The following ANKRD26 variants were observed in gnomAD, a reference collection of about 807,000 sequenced individuals.
ANKRD26 encodes the protein ankyrin repeat domain 26, also known as ankyrin repeat domain-containing protein 26.
A neutral mutation model predicts 208.7 loss-of-function variants in ANKRD26; 141 were observed. The ratio of observed to expected loss-of-function variants is 0.68; its 90% CI spans 0.59 to 0.78. ANKRD26 has a LOEUF of 0.78. Ranked by LOEUF, ANKRD26 falls within the 30% of genes least tolerant of loss-of-function variation. The pLI, the probability that ANKRD26 is intolerant of heterozygous loss-of-function variation, is 0.00. For synonymous variants in ANKRD26, 636 were observed against 660.4 expected (o/e 0.96, Z 0.57); for missense variants, 1,889 against 1,938.7 (o/e 0.97, Z 0.48).
chr10:27,096,781 A>AAG (rs2056480477), intron 1 of ANKRD26, among the ~76,000 whole-genome samples: 1 of 150,870 alleles, frequency 6.6e-6, no homozygotes, highest in Non-Finnish European at 1.5e-5. Flanking sequence ...AAAAAAAAAA[A>AAG]GAAAAAAAAA....
At position 27,027,070 on chromosome 10, in the gene ANKRD26, G is replaced by A. The variant is rs1011745478; in HGVS notation, c.3972+1782C>T. Among the ~76,000 whole-genome samples the A allele has an allele frequency of 8.5e-5, 13 of 152,256 alleles. No individual in the cohort carries two copies. In the East Asian group the frequency reaches 2.1e-3, roughly 25 times the overall value. ...CAAAGTGCTGGGCATGAGCCACTGC[G>A]CCTGACAGGAACTGTTAAGGTTTTG... On this transcript the variant is annotated intron_variant, in intron 27 of 33. Coordinates refer to ENST00000376087, the MANE Select transcript of ANKRD26 (RefSeq NM_014915.3).
At chr10:26,971,255 C>T (rs113527105), downstream of ANKRD26, among the ~76,000 whole-genome samples, 157 of 152,108 alleles carry the variant, frequency 1.0e-3, 2 homozygotes, top group Non-Finnish European at 4.4e-4. Context: ...TGGTGGTGTG[C>T]ACCTCTCGTC....
At chr10:26,977,621 A>G (rs2052247012) in intron 5 of ANKRD26, among the ~76,000 whole-genome samples, 1 of 152,232 alleles carries the variant, frequency 6.6e-6, no homozygotes, top group Non-Finnish European at 1.5e-5. Flanking sequence ...CTTACAACTC[A>G]GGGATGTAAA....
At chr10:27,059,831 G>A (rs376704573) in intron 15 of ANKRD26, among the ~76,000 whole-genome samples, 3 of 151,830 alleles carry the variant, frequency 2.0e-5, no homozygotes, top group African/African-American at 7.2e-5. Context: ...GGAGGCGGAG[G>A]CTGCAGTGAG....
intron 28 of ANKRD26, among the ~76,000 whole-genome samples, chr10:27,023,916 C>T (rs1026519488): frequency 4.7e-5 from 7 of 148,984 alleles, no homozygotes; most frequent in Non-Finnish European, 1.0e-4. Flanking sequence ...AACATGTATA[C>T]CTCAGGTATA....
At chr10:27,058,292 G>C (rs1314770649) in intron 15 of ANKRD26, among the ~76,000 whole-genome samples, 1 of 151,932 alleles carries the variant, frequency 6.6e-6, no homozygotes, top group Non-Finnish European at 1.5e-5. Flanking sequence ...TCCATTCAAG[G>C]GTACAAGAGG....
At chr10:27,041,797 A>T (rs1166657864) in intron 20 of ANKRD26, among the ~76,000 whole-genome samples, 6 of 152,194 alleles carry the variant, frequency 3.9e-5, no homozygotes, top group Non-Finnish European at 8.8e-5. Flanking sequence ...CAGAAAAAAA[A>T]TGTGAAGAAA....
chr10:26,970,152 T>C (rs1326145422), downstream of ANKRD26, among the ~76,000 whole-genome samples: 1 of 152,098 alleles, frequency 6.6e-6, no homozygotes, highest in Non-Finnish European at 1.5e-5. Context: ...TTTTGTTTAA[T>C]ACTAGATAAT....
chr10:27,059,094 T>C (rs2054953320), intron 15 of ANKRD26, among the ~76,000 whole-genome samples: 1 of 151,832 alleles, frequency 6.6e-6, no homozygotes, highest in Admixed American at 6.6e-5. Flanking sequence ...TTTTGTATTT[T>C]TGGTAAAGAT....
At chr10:27,060,299 T>G in intron 15 of ANKRD26, 46 bp downstream of exon 15, 2 of 1,449,598 alleles carry the variant, frequency 1.4e-6, no homozygotes, top group Admixed American at 3.4e-5. Flanking sequence ...TTTCAAAAAT[T>G]TTAACGTACT....
downstream of ANKRD26, among the ~76,000 whole-genome samples, chr10:26,973,445 A>G (rs1275713099): frequency 6.7e-6 from 1 of 150,310 alleles, no homozygotes; most frequent in Non-Finnish European, 1.5e-5. Context: ...TATTTGCCAT[A>G]TATATCTTTC....
At chr10:26,984,492 CA>C (rs1288508194) in intron 3 of ANKRD26, among the ~76,000 whole-genome samples, 2 of 152,172 alleles carry the variant, frequency 1.3e-5, no homozygotes, top group African/African-American at 2.4e-5. Flanking sequence ...TGGACCCTTC[CA>C]TTGGGGATTA....
chr10:27,061,695 C>T (rs74948064), intron 12 of ANKRD26, among the ~76,000 whole-genome samples: 12,190 of 151,090 alleles, frequency 0.081, 573 homozygotes, highest in African/African-American at 0.13. Context: ...GCCTCCTGAA[C>T]AGCCGAACTA....
downstream of ANKRD26, among the ~76,000 whole-genome samples, chr10:26,990,785 T>C (rs768586346): frequency 7.2e-5 from 11 of 152,284 alleles, no homozygotes; most frequent in South Asian, 1.5e-3. Context: ...GATAAAAACA[T>C]ACCAAATTAA....
intron 4 of ANKRD26, among the ~76,000 whole-genome samples, chr10:27,087,532 T>C (rs1256089262): frequency 6.6e-6 from 1 of 152,244 alleles, no homozygotes; most frequent in African/African-American, 2.4e-5. Context: ...CTTTGTGGTT[T>C]CCAATCCCAG....
At chr10:26,968,631 G>A in the ANKRD26 span, among the ~76,000 whole-genome samples, 2 of 152,318 alleles carry the variant, frequency 1.3e-5, no homozygotes, top group Non-Finnish European at 1.5e-5. Context: ...TCTAGACACA[G>A]TGGAAAATAT....
At chr10:26,999,369 C>A (rs185449329), downstream of ANKRD26, among the ~76,000 whole-genome samples, 2 of 152,308 alleles carry the variant, frequency 1.3e-5, no homozygotes, top group Admixed American at 1.3e-4. Flanking sequence ...AATGTAGAGG[C>A]CTCGTTTCCT....
At position 27,030,582 on chromosome 10, in the gene ANKRD26, C is replaced by G. The variant is rs1354194680; in HGVS notation, c.3808-1226G>C. ...CTTTGGGTGGGAAAGCGGTATGAAT[C>G]TACGGATCCCAGCTCTGGCTACGTA... On this transcript the variant is annotated intron_variant, in intron 25 of 33. Coordinates refer to ENST00000376087, the MANE Select transcript of ANKRD26 (RefSeq NM_014915.3). 6.1e-6 allele frequency: 6 copies of G among 985,240 alleles called. No individual in the cohort carries two copies. The East Asian group carries it at 6.8e-4, about 112-fold the overall frequency. The allele number at this position is 985,240 out of a possible 1,614,324, so 61.0% of individuals were successfully genotyped here.
At chr10:26,953,879 C>A in the ANKRD26 span, among the ~76,000 whole-genome samples, 2 of 152,144 alleles carry the variant, frequency 1.3e-5, no homozygotes, top group Admixed American at 6.5e-5. Flanking sequence ...CTTGCTGGGA[C>A]GTGCATCAAG....
Sources: gnomAD v4.1 joint callset for allele counts (sites outside exome capture counted in the v4.1 genomes callset) on GRCh38, gnomAD v4.1.1 for gene constraint, MANE v1.5 for transcripts, NCBI Gene and HGNC (gene_info 2026-07-23, HGNC 2026-07-21) for gene names.